The following PDE7B variants were observed in gnomAD, a reference collection of about 807,000 sequenced individuals.
PDE7B encodes the protein 3',5'-cyclic-AMP phosphodiesterase 7B.
A neutral mutation model predicts 56.2 loss-of-function variants in PDE7B; 29 were observed. The ratio of observed to expected loss-of-function variants is 0.52; its 90% CI spans 0.38 to 0.70. PDE7B has a LOEUF of 0.70. PDE7B is among the 30% of genes least tolerant of loss of function. The pLI is 0.00. For synonymous variants in PDE7B, 197 were observed against 196.9 expected, an observed-to-expected ratio of 1.00 and a Z score of 0.00; for missense variants, 490 against 565.0, an observed-to-expected ratio of 0.87 and a Z score of 1.35.
intron 1 of PDE7B, among the ~76,000 whole-genome samples, chr6:135,900,047 G>C (rs1291616045): frequency 6.6e-6 from 1 of 152,026 alleles, no homozygotes; most frequent in Non-Finnish European, 1.5e-5. Flanking sequence ...TAAACAAACT[G>C]TCTAAAGTTA....
At position 136,038,206 on chromosome 6, in the gene PDE7B, A is replaced by C. The variant is rs1322492979; in HGVS notation, c.83-70525A>C. 41 of 1,285,262 alleles carry C rather than the reference A, an allele frequency of 3.2e-5. 1 individual carries two copies. Among genetic ancestry groups the C allele is most frequent in the Middle Eastern group, 2.1e-4 (1 of 4,696 alleles). 79.6% of individuals were successfully genotyped at this position (1,285,262 alleles called of 1,614,324 possible). ...GTGGTAGCAGCAGCAGCAGCAGCAG[A>C]AGCAGAAACAGCAGCAGCAGCAACA... On this transcript the variant is annotated intron_variant, in intron 2 of 12. Coordinates refer to ENST00000308191, the MANE Select transcript of PDE7B (RefSeq NM_018945.4).
chr6:136,170,399 G>A (rs769361056), intron 8 of PDE7B, among the ~76,000 whole-genome samples: 1 of 152,004 alleles, frequency 6.6e-6, no homozygotes, highest in Admixed American at 6.6e-5. Context: ...CCCAACTCTA[G>A]AACTCTTTTC....
At chr6:136,042,514 G>C (rs1185609417) in intron 2 of PDE7B, among the ~76,000 whole-genome samples, 1 of 152,110 alleles carries the variant, frequency 6.6e-6, no homozygotes, top group Non-Finnish European at 1.5e-5. Context: ...ATTTCAATAA[G>C]CTTTGGTTCT....
intron 8 of PDE7B, 96 bp downstream of exon 8, chr6:136,155,854 T>C: frequency 7.7e-7 from 1 of 1,291,392 alleles, no homozygotes; most frequent in Non-Finnish European, 1.1e-6. Flanking sequence ...AGCCTTGTTT[T>C]AGGGTCCTAG....
intron 3 of PDE7B, among the ~76,000 whole-genome samples, chr6:136,145,927 A>G (rs1778406003): frequency 6.6e-6 from 1 of 152,164 alleles, no homozygotes; most frequent in South Asian, 2.1e-4. Context: ...TGGATTTTAT[A>G]TCCATTTATT....
chr6:135,904,814 A>T (rs187729736), intron 1 of PDE7B, among the ~76,000 whole-genome samples: 1 of 152,334 alleles, frequency 6.6e-6, no homozygotes, highest in Non-Finnish European at 1.5e-5. Flanking sequence ...ATCCTGCATG[A>T]GTAACACAAG....
intron 1 of PDE7B, among the ~76,000 whole-genome samples, chr6:135,891,056 A>C (rs1473988052): frequency 6.6e-6 from 1 of 152,228 alleles, no homozygotes; most frequent in Non-Finnish European, 1.5e-5. Context: ...TTACATACGC[A>C]TCTTAAACAT....
intron 10 of PDE7B, among the ~76,000 whole-genome samples, chr6:136,179,373 C>T (rs1185874680): frequency 2.0e-5 from 3 of 151,968 alleles, no homozygotes; most frequent in Admixed American, 1.3e-4. Flanking sequence ...AACAAAAATC[C>T]ACTCAGGGCC....
In PDE7B at chr6:136,185,966, G is replaced by A. The variant is rs192012282; in HGVS notation, c.1046-1070G>A. Among the ~76,000 whole-genome samples, 6 of 152,136 alleles carry A rather than the reference G, an allele frequency of 3.9e-5. No homozygotes were observed. In the East Asian group the frequency reaches 1.2e-3, roughly 30 times the overall value. ...CAATTTGTTATGCTCAGGAAGGACT[G>A]ATGAAGTATTTCAATAAAGTTTTGT... On this transcript the variant is annotated intron_variant, in intron 11 of 12. Transcript: ENST00000308191.
intron 6 of PDE7B, among the ~76,000 whole-genome samples, chr6:136,151,955 A>G (rs1164439554): frequency 6.6e-6 from 1 of 152,064 alleles, no homozygotes; most frequent in Admixed American, 6.6e-5. Context: ...TAAATAAATA[A>G]ATAAATAAAT....
At chr6:135,861,977 C>A (rs760535328) in intron 1 of PDE7B, among the ~76,000 whole-genome samples, 8 of 151,798 alleles carry the variant, frequency 5.3e-5, no homozygotes, top group Non-Finnish European at 8.9e-5. Context: ...TTATCAGCAA[C>A]CTTGCAAAAC....
chr6:135,965,476 C>T (rs1052717888), intron 2 of PDE7B, among the ~76,000 whole-genome samples: 2 of 152,116 alleles, frequency 1.3e-5, no homozygotes, highest in Admixed American at 1.3e-4. Flanking sequence ...AAAGACATAC[C>T]CAAGACTGGG....
chr6:136,022,159 C>T (rs551183658), intron 2 of PDE7B, among the ~76,000 whole-genome samples: 24 of 152,340 alleles, frequency 1.6e-4, no homozygotes, highest in African/African-American at 5.5e-4. Context: ...ACGTCACTTA[C>T]TTCAAGAGCT....
chr6:135,976,913 C>T (rs905885409), intron 2 of PDE7B, among the ~76,000 whole-genome samples: 1 of 152,130 alleles, frequency 6.6e-6, no homozygotes, highest in Non-Finnish European at 1.5e-5. Context: ...ATCCAGGCAG[C>T]AGAGAATGGG....
intron 3 of PDE7B, among the ~76,000 whole-genome samples, chr6:136,127,141 A>G (rs1267787674): frequency 6.6e-6 from 1 of 152,134 alleles, no homozygotes; most frequent in Non-Finnish European, 1.5e-5. Context: ...TGAATACCTG[A>G]CCAGCCATTG....
intron 2 of PDE7B, among the ~76,000 whole-genome samples, chr6:135,961,167 A>C (rs1774891847): frequency 6.6e-6 from 1 of 152,164 alleles, no homozygotes; most frequent in Non-Finnish European, 1.5e-5. Flanking sequence ...ATATTCTTAT[A>C]CATGTCTTTT....
chr6:135,946,208 G>A (rs17065148), intron 1 of PDE7B, among the ~76,000 whole-genome samples: 14,411 of 151,124 alleles, frequency 0.095, 2,076 homozygotes, highest in African/African-American at 0.31. Flanking sequence ...TGTCTTATAT[G>A]ATTGGCATAT....
chr6:136,166,921 A>T (rs1778802624), intron 8 of PDE7B, among the ~76,000 whole-genome samples: 1 of 152,184 alleles, frequency 6.6e-6, no homozygotes, highest in South Asian at 2.1e-4. Context: ...AATGTTTGTA[A>T]TTGCCAGAAG....
In PDE7B at chr6:136,195,455, G is replaced by GAAAAAAAAAAAAAA. The variant is rs559769128; in HGVS notation, c.*3624_*3637dup. On this transcript the variant is annotated 3_prime_UTR_variant, in exon 13 of 13. Transcript: ENST00000308191. ...CATTTTGTATACACATGTGAGGTTT[G>GAAAAAAAAAAAAAA]AAAAAAAAAAAAAAAAAAAAAAGAA... 6.2e-4 allele frequency: 43 copies of GAAAAAAAAAAAAAA among 68,972 alleles called. 1 individual carries two copies. Among genetic ancestry groups the GAAAAAAAAAAAAAA allele is most frequent in the African/African-American group, 1.8e-3 (42 of 23,280 alleles). The allele number at this position is 68,972 out of a possible 1,614,324, so 4.3% of individuals were successfully genotyped here. A position where few individuals can be genotyped will look rare whatever the true frequency, so the allele number is the denominator to read the frequency against.
Sources: gnomAD v4.1 joint callset for allele counts (sites outside exome capture counted in the v4.1 genomes callset) on GRCh38, gnomAD v4.1.1 for gene constraint, MANE v1.5 for transcripts, NCBI Gene and HGNC (gene_info 2026-07-23, HGNC 2026-07-21) for gene names.